The following PAH variants were observed in gnomAD, a reference collection of about 807,000 sequenced individuals.
PAH encodes the protein phenylalanine hydroxylase.
In PAH, 64 loss-of-function variants were observed where a neutral mutation model predicts 62.0. The observed-to-expected ratio is 1.03, with a 90% CI of 0.84 to 1.27. PAH has a LOEUF of 1.27. Ranked by LOEUF, PAH falls within the 50% of genes most tolerant of loss-of-function variation. The probability of loss-of-function intolerance (pLI) is 0.00; values close to 1 mark genes in which losing one functional copy is unlikely to be tolerated. For synonymous variants in PAH, 195 were observed against 196.2 expected (o/e 0.99, Z 0.05); for missense variants, 579 against 542.8 (o/e 1.07, Z -0.66).
At chr12:102,958,091 A>G (rs1879981729) in intron 1 of PAH, 3 of 511,714 alleles carry the variant, frequency 5.9e-6, no homozygotes, top group Middle Eastern at 5.5e-4. Flanking sequence ...GATTTTGTAT[A>G]TATTTTTTAA....
At chr12:102,932,862 A>G (rs1878936494) in intron 1 of PAH, among the ~76,000 whole-genome samples, 5 of 152,216 alleles carry the variant, frequency 3.3e-5, no homozygotes, top group Admixed American at 3.3e-4. Context: ...TATGGAGTAC[A>G]TAAGATATTT....
chr12:102,956,053 G>A (rs899895369), intron 1 of PAH, among the ~76,000 whole-genome samples: 15 of 152,278 alleles, frequency 9.9e-5, no homozygotes, highest in Admixed American at 5.9e-4. Context: ...CACATACCAA[G>A]AGCAGCTCCC....
chr12:102,861,784 G>C (rs1054000465), intron 5 of PAH, among the ~76,000 whole-genome samples: 4 of 151,954 alleles, frequency 2.6e-5, no homozygotes, highest in African/African-American at 9.7e-5. Flanking sequence ...TGAACAATGA[G>C]AACACTTGGA....
At chr12:102,910,592 G>A (rs745515392) in intron 2 of PAH, among the ~76,000 whole-genome samples, 1 of 152,056 alleles carries the variant, frequency 6.6e-6, no homozygotes, top group African/African-American at 2.4e-5. Flanking sequence ...GGATGGTCTC[G>A]ATCTCCTGAC....
chr12:102,912,323 G>A (rs773497820), intron 2 of PAH, among the ~76,000 whole-genome samples: 7 of 151,854 alleles, frequency 4.6e-5, no homozygotes, highest in East Asian at 3.9e-4. Context: ...AGAAAGGGAC[G>A]GTGTCTTGCA....
At chr12:102,857,887 C>T (rs1298876598) in intron 5 of PAH, among the ~76,000 whole-genome samples, 1 of 152,166 alleles carries the variant, frequency 6.6e-6, no homozygotes, top group Non-Finnish European at 1.5e-5. Flanking sequence ...ATTGTAAAGA[C>T]CATTGATTCC....
At chr12:102,918,095 T>A (rs1592991817), upstream of PAH, among the ~76,000 whole-genome samples, 1 of 152,238 alleles carries the variant, frequency 6.6e-6, no homozygotes, top group East Asian at 1.9e-4. Flanking sequence ...ATAAATAAGT[T>A]TAGGTAGGGC....
intron 3 of PAH, among the ~76,000 whole-genome samples, chr12:102,881,561 C>T (rs1876814531): frequency 6.6e-6 from 1 of 152,128 alleles, no homozygotes; most frequent in Non-Finnish European, 1.5e-5. Context: ...TTTGACCCCC[C>T]AGTACTTGCT....
At chr12:102,940,538 T>C (rs1879252493) in intron 1 of PAH, among the ~76,000 whole-genome samples, 1 of 152,264 alleles carries the variant, frequency 6.6e-6, no homozygotes, top group Middle Eastern at 3.4e-3. Flanking sequence ...AACACAATAT[T>C]AACAGCAGAA....
At chr12:102,881,063 G>T (rs962771515) in intron 3 of PAH, among the ~76,000 whole-genome samples, 1 of 150,474 alleles carries the variant, frequency 6.6e-6, no homozygotes, top group Non-Finnish European at 1.5e-5. Flanking sequence ...ACCCAGGCTG[G>T]AGTGCAGTGT....
At chr12:102,867,427 G>T (rs1196336720) in intron 4 of PAH, among the ~76,000 whole-genome samples, 1 of 152,196 alleles carries the variant, frequency 6.6e-6, no homozygotes, top group Middle Eastern at 3.2e-3. Flanking sequence ...GCACATTTCC[G>T]AGTGAAAGGA....
intron 1 of PAH, among the ~76,000 whole-genome samples, chr12:102,956,967 G>A (rs1879935703): frequency 6.6e-6 from 1 of 152,168 alleles, no homozygotes; most frequent in Non-Finnish European, 1.5e-5. Context: ...GCCACTTCGA[G>A]GAGCCACAGA....
chr12:102,957,461 G>C lies in PAH; in HGVS notation c.-96+734C>G, dbSNP rs897144273. On this transcript the variant is annotated intron_variant, in intron 1 of 4. Coordinates refer to the PAH transcript ENST00000551337. This position sits in a 1 kb window ranked among gnomAD's most constrained non-coding sequence, Gnocchi z 4.1. Reference sequence around the variant, plus strand: ...AACAACAAACCCAGCTGAATGGAGAGTTTGCAAGGAGCGGGAGAAAGGAAC... The same window carrying C: ...AACAACAAACCCAGCTGAATGGAGACTTTGCAAGGAGCGGGAGAAAGGAAC... Among the ~76,000 whole-genome samples the C allele has an allele frequency of 6.7e-6, 1 of 149,542 alleles. No homozygotes were observed. The highest frequency in any genetic ancestry group is 2.5e-5 in the African/African-American group (1 of 40,432).
intron 2 of PAH, among the ~76,000 whole-genome samples, chr12:102,907,184 T>C (rs75236535): frequency 0.13 from 20,070 of 152,250 alleles, 1,368 homozygotes; most frequent in Non-Finnish European, 0.14. Flanking sequence ...TGCATTTAAA[T>C]GCATTTTTCA....
chr12:102,888,102 C>A (rs908085152), intron 3 of PAH, among the ~76,000 whole-genome samples: 1 of 151,906 alleles, frequency 6.6e-6, no homozygotes, highest in Non-Finnish European at 1.5e-5. Flanking sequence ...CATTGTGTAC[C>A]CTTATGAGAG....
chr12:102,894,858 A>C lies in PAH; in HGVS notation c.229T>G (p.Tyr77Asp). 1 of 1,613,716 alleles carries C rather than the reference A, an allele frequency of 6.2e-7. No homozygotes were observed. The highest frequency in any genetic ancestry group is 8.5e-7 in the Non-Finnish European group (1 of 1,179,778). Residue 77 changes from tyrosine to aspartate, a missense_variant, in exon 3 of 13, where the codon TAT becomes GAT. Tyr to Asp is a radical substitution (Grantham distance 160). Coordinates refer to ENST00000553106, the MANE Select transcript of PAH (RefSeq NM_000277.3). ...SRPSRLKKDE[Y>D]EFFTHLDKRS... is the part of the protein sequence containing the mutation. ...TTATCCAAATGGGTGAAAAATTCAT[A>C]CTCATCTTTCTTTAAACGAGAAGGT...
chr12:102,843,804 T>C (rs755489088), intron 10 of PAH, 25 bp from the exon 11 acceptor site: 17 of 1,611,546 alleles, frequency 1.1e-5, no homozygotes, highest in Non-Finnish European at 1.1e-5. Context: ...TGAAAAGTTA[T>C]TATCACTGTT....
chr12:102,853,038 A>G, intron 6 of PAH, 88 bp from the exon 7 acceptor site: 1 of 1,409,050 alleles, frequency 7.1e-7, no homozygotes, highest in Non-Finnish European at 9.9e-7. Flanking sequence ...AGTAGTACAC[A>G]TAACTGCCCA....
chr12:102,913,027 T>C (rs754132524), intron 1 of PAH, 129 bp from the exon 2 acceptor site: 93 of 687,820 alleles, frequency 1.4e-4, no homozygotes, highest in Non-Finnish European at 1.8e-4. Flanking sequence ...ATGAGCTATA[T>C]ATATTCTATA....
Sources: allele counts gnomAD v4.1 joint callset (sites outside exome capture counted in the v4.1 genomes callset), GRCh38; gene constraint gnomAD v4.1.1; non-coding constraint Gnocchi (gnomAD v3.1); transcripts MANE v1.5; gene names NCBI Gene and HGNC (gene_info 2026-07-23, HGNC 2026-07-21).